The following C19orf44 variants were observed in gnomAD, a reference collection of about 807,000 sequenced individuals.
C19orf44 encodes the protein chromosome 19 open reading frame 44.
C19orf44 carries 43 observed loss-of-function variants against 50.7 expected under a neutral mutation model. That is an observed-to-expected ratio of 0.85 (90% CI 0.66 to 1.09). The LOEUF (loss-of-function observed/expected upper bound fraction) is 1.09. Among genes scored for constraint, C19orf44 ranks in the 50% least tolerant of loss-of-function variants. The pLI is 0.00. For synonymous variants in C19orf44, 298 were observed against 334.7 expected (o/e 0.89, Z 1.20); for missense variants, 722 against 836.2 (o/e 0.86, Z 1.68).
chr19:16,517,397 A>G, intron 8 of C19orf44, 56 bp downstream of exon 8: 2 of 1,265,520 alleles, frequency 1.6e-6, no homozygotes, highest in East Asian at 2.5e-5. Flanking sequence ...AGAGCTCATC[A>G]GTGTCCAAGT....
Position 16,519,430 on chromosome 19 carries a change from C to T in C19orf44, c.*41-664C>T. The stretch of plus-strand genomic sequence containing the variant: ...GCACGTGGGGGGCTGAATGTCCAGA[C>T]AGGCAGTGTAGACATGGGAAATGGG... On this transcript the variant is annotated intron_variant, in intron 8 of 8. Transcript: ENST00000221671. The surrounding 1 kb of genome is among the most constrained non-coding windows in gnomAD (Gnocchi z 6.0). 2 of 1,467,666 alleles carry T rather than the reference C, an allele frequency of 1.4e-6. No homozygotes were observed. Among genetic ancestry groups the T allele is most frequent in the Middle Eastern group, 2.1e-4 (1 of 4,850 alleles). The allele number at this position is 1,467,666 out of a possible 1,614,324, so 90.9% of individuals were successfully genotyped here.
rs913866738 is a variant in C19orf44 at position 16,519,878 on chromosome 19, A to G, written c.*41-216A>G. On this transcript the variant is annotated intron_variant, in intron 8 of 8. Coordinates refer to ENST00000221671, the MANE Select transcript of C19orf44 (RefSeq NM_032207.4). This position sits in a 1 kb window ranked among gnomAD's most constrained non-coding sequence, Gnocchi z 6.0. ...TACCCGTTTATCCTGTCTCAGCTAG[A>G]TAAGGGGGCTCCAGACGCTGGCCCC... 1.6e-5 allele frequency: 11 copies of G among 706,372 alleles called. No homozygotes were observed. The highest frequency in any genetic ancestry group is 4.7e-5 in the Admixed American group (2 of 42,826). 43.8% of individuals were successfully genotyped at this position (706,372 alleles called of 1,614,324 possible).
Position 16,509,729 on chromosome 19 carries a change from G to C in C19orf44, c.1380G>C (p.Met460Ile). The C allele has an allele frequency of 6.2e-7, 1 of 1,614,250 alleles. No homozygotes were observed. The highest frequency in any genetic ancestry group is 2.2e-5 in the East Asian group (1 of 44,890). ...SSMQPPSEAP[M>I]VNTVSSAYSE... ...TGCAGCCACCATCTGAAGCCCCCAT[G>C]GTGAACACAGTCAGCTCAGCTTATT... is the stretch of plus-strand genomic sequence containing the variant. Residue 460 changes from methionine (M) to isoleucine (I), a missense_variant, in exon 5 of 9, where the codon ATG becomes ATC. By Grantham distance (10) the Met-to-Ile change is conservative. Coordinates refer to ENST00000221671, the MANE Select transcript of C19orf44 (RefSeq NM_032207.4).
intron 1 of C19orf44, among the ~76,000 whole-genome samples, chr19:16,497,005 C>T (rs1195807304): frequency 1.3e-5 from 2 of 151,986 alleles, no homozygotes; most frequent in East Asian, 1.9e-4. Flanking sequence ...TAGTGGCACG[C>T]GCCTGTAGTC....
chr19:16,499,288 T>C lies in C19orf44; in HGVS notation c.-1-1504T>C, dbSNP rs189339831. On this transcript the variant is annotated intron_variant, in intron 1 of 8. Transcript: ENST00000221671. Reference sequence around the variant, plus strand: ...TAATTCATTCTTGTATAGAATCTTTTTTTTTTCTTTTTTTTTGAGACGGAG... The same window carrying C: ...TAATTCATTCTTGTATAGAATCTTTCTTTTTTCTTTTTTTTTGAGACGGAG... Among the ~76,000 whole-genome samples, 435 of 152,124 alleles carry C rather than the reference T, an allele frequency of 2.9e-3. 2 individuals carry two copies. The highest frequency in any genetic ancestry group is 5.3e-3 in the Non-Finnish European group (363 of 67,990).
intron 3 of C19orf44, 44 bp from the exon 4 acceptor site, chr19:16,506,657 T>C: frequency 7.8e-7 from 1 of 1,277,194 alleles, no homozygotes. Flanking sequence ...ATGGAGTAAA[T>C]AAGAGAGTAA....
intron 8 of C19orf44, chr19:16,518,836 G>A (rs1014852044): frequency 2.6e-5 from 9 of 347,114 alleles, no homozygotes; most frequent in Admixed American, 4.9e-5. Context: ...TAGGGCAGAT[G>A]CACATCCATC....
At position 16,515,540 on chromosome 19, in the gene C19orf44, T is replaced by A. The variant is rs138992313; in HGVS notation, c.1902+877T>A. On this transcript the variant is annotated intron_variant, in intron 7 of 8. Coordinates refer to ENST00000221671, the MANE Select transcript of C19orf44 (RefSeq NM_032207.4). The stretch of plus-strand genomic sequence containing the variant: ...GTATGCGTATTTCTTTTTTTTAAAA[T>A]TTTTTTTTGACGGAGTTTTGCTCTT... Among the ~76,000 whole-genome samples, 116 of 151,976 alleles carry A rather than the reference T, an allele frequency of 7.6e-4. 2 individuals carry two copies. In the East Asian group the frequency reaches 0.014, roughly 18 times the overall value.
chr19:16,496,776 T>A (rs2093410580), intron 1 of C19orf44: 1 of 152,774 alleles, frequency 6.5e-6, no homozygotes, highest in Admixed American at 6.6e-5. Flanking sequence ...CTCCGTTATT[T>A]TTAGTAAATC....
Position 16,519,053 on chromosome 19 carries a change from G to A in C19orf44, c.*41-1041G>A. ...CTTCCTGTGGCTCTCCACAAGTGGA[G>A]ACGGTGTAAGAACTGAGCTGTCACT... On this transcript the variant is annotated intron_variant, in intron 8 of 8. Coordinates refer to ENST00000221671, the MANE Select transcript of C19orf44 (RefSeq NM_032207.4). This position sits in a 1 kb window ranked among gnomAD's most constrained non-coding sequence, Gnocchi z 6.0. 9.9e-7 allele frequency: 1 copy of A among 1,007,630 alleles called. No individual in the cohort carries two copies. Among genetic ancestry groups the A allele is most frequent in the Non-Finnish European group, 1.5e-6 (1 of 684,652 alleles). The allele number at this position is 1,007,630 out of a possible 1,614,324, so 62.4% of individuals were successfully genotyped here.
rs540891745 is a variant in C19orf44, at chr19:16,508,126, C to T, written c.1149+1352C>T. On this transcript the variant is annotated intron_variant, in intron 4 of 8. Transcript: ENST00000221671. The stretch of plus-strand genomic sequence containing the variant: ...GGCCTTAATTATTATTTTTTTGAGA[C>T]ACAGTCTCGCTCTGTCGCCCAGGCT... Among the ~76,000 whole-genome samples the T allele has an allele frequency of 1.6e-4, 24 of 149,444 alleles. No homozygotes were observed. The East Asian group carries it at 4.2e-3, about 26-fold the overall frequency.
At position 16,514,584 on chromosome 19, in the gene C19orf44, G is replaced by T. The variant is rs2093466575; in HGVS notation, c.1823G>T (p.Ser608Ile). 1 of 1,608,330 alleles carries T rather than the reference G, an allele frequency of 6.2e-7. No homozygotes were observed. Reference protein sequence around the residue: ...LSLTQQFIQASRHLHASLLRS... With the variant: ...LSLTQQFIQAIRHLHASLLRS... ...CTGACGCAGCAGTTCATCCAGGCCAGCCGGCACCTGCACGCCTCCCTCCTG... is the reference window on the plus strand; with the variant it reads ...CTGACGCAGCAGTTCATCCAGGCCATCCGGCACCTGCACGCCTCCCTCCTG... Residue 608 changes from serine (S) to isoleucine (I), a missense_variant, in exon 7 of 9, where the codon AGC (serine) becomes ATC (isoleucine). Coordinates refer to ENST00000221671, the MANE Select transcript of C19orf44 (RefSeq NM_032207.4).
At chr19:16,517,365 G>A in intron 8 of C19orf44, 24 bp downstream of exon 8, 4 of 1,422,640 alleles carry the variant, frequency 2.8e-6, no homozygotes, top group Non-Finnish European at 3.9e-6. Flanking sequence ...TGTACTCAGT[G>A]CACACACACG....
intron 2 of C19orf44, among the ~76,000 whole-genome samples, chr19:16,502,362 C>T (rs766930471): frequency 4.6e-5 from 7 of 151,216 alleles, no homozygotes; most frequent in East Asian, 1.9e-4. Flanking sequence ...CTCAGCCTCC[C>T]GAGTAGCTGG....
At position 16,520,720 on chromosome 19, in the gene C19orf44, C is replaced by T; in HGVS notation, c.*667C>T. The stretch of plus-strand genomic sequence containing the variant: ...TGTGGAAAACACCGCCCCATAGGCA[C>T]AGGCTGTGTGAGGGTGGACGTGATG... On this transcript the variant is annotated 3_prime_UTR_variant, in exon 9 of 9. Transcript: ENST00000221671. This position sits in a 1 kb window ranked among gnomAD's most constrained non-coding sequence, Gnocchi z 4.0. 3.2e-6 allele frequency: 4 copies of T among 1,250,624 alleles called. No homozygotes were observed. Among genetic ancestry groups the T allele is most frequent in the East Asian group, 2.3e-5 (1 of 43,178 alleles). 77.5% of individuals were successfully genotyped at this position (1,250,624 alleles called of 1,614,324 possible).
Position 16,520,075 on chromosome 19 carries a change from A to C in C19orf44, c.*41-19A>C, listed in dbSNP as rs2085594921. 1.4e-6 allele frequency: 2 copies of C among 1,474,964 alleles called. No individual in the cohort carries two copies. The highest frequency in any genetic ancestry group is 2.3e-5 in the South Asian group (2 of 85,682). The allele number at this position is 1,474,964 out of a possible 1,614,324, so 91.4% of individuals were successfully genotyped here. A position where few individuals can be genotyped will look rare whatever the true frequency, so the allele number is the denominator to read the frequency against. ...CTCCTAACACAGTCTCCTAACCACC[A>C]ATGTTTCCACATTCACAGCAAAGCA... On this transcript the variant is annotated intron_variant, in intron 8 of 8. Coordinates refer to ENST00000221671, the MANE Select transcript of C19orf44 (RefSeq NM_032207.4). The surrounding 1 kb of genome is among the most constrained non-coding windows in gnomAD (Gnocchi z 4.0).
chr19:16,514,286 G>A (rs994063896), intron 6 of C19orf44, among the ~76,000 whole-genome samples: 2 of 151,850 alleles, frequency 1.3e-5, no homozygotes, highest in African/African-American at 2.4e-5. Flanking sequence ...GATTACAGGT[G>A]TGAGCCACTG....
chr19:16,502,192 G>T (rs991084439), intron 2 of C19orf44, among the ~76,000 whole-genome samples: 1 of 151,026 alleles, frequency 6.6e-6, no homozygotes, highest in African/African-American at 2.4e-5. Context: ...TTACAGGTGT[G>T]AGCCAGTGTG....
intron 6 of C19orf44, among the ~76,000 whole-genome samples, chr19:16,513,902 C>G (rs1005172230): frequency 4.6e-5 from 7 of 152,248 alleles, no homozygotes; most frequent in African/African-American, 1.7e-4. Context: ...AGAGTTTAGT[C>G]TTTGTCGAGT....
Sources: allele counts gnomAD v4.1 joint callset (sites outside exome capture counted in the v4.1 genomes callset), GRCh38; gene constraint gnomAD v4.1.1; non-coding constraint Gnocchi (gnomAD v3.1); transcripts MANE v1.5; gene names NCBI Gene and HGNC (gene_info 2026-07-23, HGNC 2026-07-21).